The following CARMIL1 variants were observed in gnomAD, a reference collection of about 807,000 sequenced individuals.
CARMIL1 encodes F-actin-uncapping protein LRRC16A.
CARMIL1 carries 90 observed loss-of-function variants against 177.1 expected under a neutral mutation model. That is an observed-to-expected ratio of 0.51 (90% CI 0.43 to 0.61). The LOEUF is 0.61. Among genes scored for constraint, CARMIL1 ranks in the 20% least tolerant of loss-of-function variants. The pLI, the probability that CARMIL1 is intolerant of heterozygous loss-of-function variation, is 0.00. For missense variants in CARMIL1, 1,380 were observed against 1,667.0 expected, an observed-to-expected ratio of 0.83 and a Z score of 3.00; for synonymous variants, 577 against 606.2, an observed-to-expected ratio of 0.95 and a Z score of 0.71.
chr6:25,286,695 A>G (rs1251967036), intron 2 of CARMIL1, among the ~76,000 whole-genome samples: 1 of 152,190 alleles, frequency 6.6e-6, no homozygotes, highest in East Asian at 1.9e-4. Context: ...AATATAAGGT[A>G]GTGGTTGCTA....
intron 2 of CARMIL1, among the ~76,000 whole-genome samples, chr6:25,367,157 T>TG (rs892305202): frequency 3.9e-5 from 6 of 152,138 alleles, no homozygotes; most frequent in Non-Finnish European, 8.8e-5. Flanking sequence ...AGTTTTGATG[T>TG]GGGGGGTGTG....
chr6:25,404,574 TGGTA>T (rs1216499205), intron 2 of CARMIL1, among the ~76,000 whole-genome samples: 1 of 151,964 alleles, frequency 6.6e-6, no homozygotes, highest in Admixed American at 6.6e-5. Flanking sequence ...CTGGCCAACA[TGGTA>T]AAACCCATCT....
At position 25,550,948 on chromosome 6, in the gene CARMIL1, T is replaced by G; in HGVS notation, c.2367T>G (p.Leu789=). ...CCATGGTTGATGCTGCTGAGAATCT[T>G]TGTCCCAATGTGATGAAAAAAGCCC... ...LESMVDAAEN[L]CPNVMKKAHI... is the part of the protein sequence containing the mutation. The change falls in exon 27 of 37, where the codon CTT becomes CTG. Residue 789 remains leucine, a synonymous_variant. Transcript: ENST00000329474. 1.2e-6 allele frequency: 2 copies of G among 1,613,550 alleles called. No individual in the cohort carries two copies. The highest frequency in any genetic ancestry group is 1.7e-6 in the Non-Finnish European group (2 of 1,179,582).
chr6:25,462,888 C>A (rs1391425107), intron 8 of CARMIL1, among the ~76,000 whole-genome samples: 1 of 152,174 alleles, frequency 6.6e-6, no homozygotes, highest in African/African-American at 2.4e-5. Flanking sequence ...GCTCTCAGAG[C>A]CTAATAACCC....
At chr6:25,524,399 C>T (rs1043591434) in intron 23 of CARMIL1, among the ~76,000 whole-genome samples, 1 of 152,166 alleles carries the variant, frequency 6.6e-6, no homozygotes, top group Non-Finnish European at 1.5e-5. Flanking sequence ...TCTAGGGAAA[C>T]CCCAAAATAA....
At chr6:25,400,501 G>A (rs1435489752) in intron 2 of CARMIL1, among the ~76,000 whole-genome samples, 1 of 152,144 alleles carries the variant, frequency 6.6e-6, no homozygotes, top group Admixed American at 6.5e-5. Context: ...GTTGTAAAAT[G>A]CTCTATAGAT....
At chr6:25,362,728 G>A (rs1457567854) in intron 2 of CARMIL1, among the ~76,000 whole-genome samples, 2 of 151,960 alleles carry the variant, frequency 1.3e-5, no homozygotes, top group Non-Finnish European at 2.9e-5. Context: ...AAGCCCATTT[G>A]TTTCTCTTCT....
chr6:25,382,006 A>G (rs1008685095), intron 2 of CARMIL1, among the ~76,000 whole-genome samples: 1 of 152,150 alleles, frequency 6.6e-6, no homozygotes, highest in African/African-American at 2.4e-5. Context: ...AAAATGGGCT[A>G]TAATAATGAA....
rs1040831245 is a variant in CARMIL1, at chr6:25,577,051, T to A, written c.2743-3873T>A. On this transcript the variant is annotated intron_variant, in intron 29 of 36. Transcript: ENST00000329474. The surrounding 1 kb of genome is among the most constrained non-coding windows in gnomAD (Gnocchi z 4.5). Reference sequence around the variant, plus strand: ...GCTGTACTACTTTATATTCTTGTGCTCCATTTGCTTCTGTGCTGCCTGGCT... The same window carrying A: ...GCTGTACTACTTTATATTCTTGTGCACCATTTGCTTCTGTGCTGCCTGGCT... The A allele has an allele frequency of 4.6e-5, 45 of 985,216 alleles. No individual in the cohort carries two copies. Among genetic ancestry groups the A allele is most frequent in the Non-Finnish European group, 5.3e-5 (44 of 829,854 alleles). 61.0% of individuals were successfully genotyped at this position (985,216 alleles called of 1,614,324 possible).
intron 29 of CARMIL1, among the ~76,000 whole-genome samples, chr6:25,568,088 G>A (rs1478916689): frequency 6.6e-6 from 1 of 152,170 alleles, no homozygotes. Flanking sequence ...TGACGTATGT[G>A]CTGAAGAAAA....
intron 2 of CARMIL1, among the ~76,000 whole-genome samples, chr6:25,362,391 C>T (rs1044462587): frequency 1.5e-4 from 23 of 152,320 alleles, no homozygotes; most frequent in African/African-American, 5.3e-4. Context: ...AACCACTACA[C>T]GGGCCGGGCG....
intron 2 of CARMIL1, among the ~76,000 whole-genome samples, chr6:25,362,157 G>C (rs765407793): frequency 6.6e-6 from 1 of 152,150 alleles, no homozygotes; most frequent in African/African-American, 2.4e-5. Flanking sequence ...CCTCAGGCCA[G>C]ATATTACTGG....
At chr6:25,504,590 A>G (rs1407574113) in intron 17 of CARMIL1, among the ~76,000 whole-genome samples, 1 of 152,222 alleles carries the variant, frequency 6.6e-6, no homozygotes, top group African/African-American at 2.4e-5. Context: ...TGGATCTGTG[A>G]TAGCTAAGGT....
At chr6:25,491,681 GTA>G in intron 13 of CARMIL1, 49 bp from the exon 14 acceptor site, 1 of 1,132,082 alleles carries the variant, frequency 8.8e-7, no homozygotes, top group Non-Finnish European at 1.3e-6. Flanking sequence ...TGCATTGTGT[GTA>G]TGTGTGTGTT....
intron 8 of CARMIL1, chr6:25,452,103 A>T (rs1347612199): frequency 1.3e-6 from 1 of 763,638 alleles, no homozygotes; most frequent in Non-Finnish European, 2.4e-6. Flanking sequence ...CGGCCAGGGA[A>T]AAAGTATACT....
In CARMIL1 at chr6:25,314,215, C is replaced by A. The variant is rs556145171; in HGVS notation, c.138+29306C>A. Reference sequence around the variant, plus strand: ...CTTGTGATCCACCCACCCGCCTCGGCCTCCATCCCAGCACTTTGGGAGGCC... The same window carrying A: ...CTTGTGATCCACCCACCCGCCTCGGACTCCATCCCAGCACTTTGGGAGGCC... On this transcript the variant is annotated intron_variant, in intron 2 of 36. Coordinates refer to ENST00000329474, the MANE Select transcript of CARMIL1 (RefSeq NM_017640.6). Among the ~76,000 whole-genome samples, 353 of 126,704 alleles carry A rather than the reference C, an allele frequency of 2.8e-3. 1 individual carries two copies. The highest frequency in any genetic ancestry group is 4.6e-3 in the Middle Eastern group (1 of 218). 83.1% of individuals were successfully genotyped at this position (126,704 alleles called of 152,430 possible).
At chr6:25,617,763 C>T (rs1412508394) in intron 36 of CARMIL1, among the ~76,000 whole-genome samples, 2 of 152,174 alleles carry the variant, frequency 1.3e-5, no homozygotes, top group Non-Finnish European at 2.9e-5. Flanking sequence ...TATTTATTGA[C>T]ATTTATTCAC....
At chr6:25,468,907 C>T (rs1168582733) in intron 9 of CARMIL1, among the ~76,000 whole-genome samples, 1 of 152,060 alleles carries the variant, frequency 6.6e-6, no homozygotes, top group African/African-American at 2.4e-5. Context: ...GCAAGGTAGC[C>T]CAGAAATGGT....
intron 2 of CARMIL1, among the ~76,000 whole-genome samples, chr6:25,347,346 C>T (rs1042255736): frequency 6.6e-6 from 1 of 152,192 alleles, no homozygotes; most frequent in African/African-American, 2.4e-5. Context: ...TGATATTTTA[C>T]CAACAGCCCA....
Sources: allele counts gnomAD v4.1 joint callset (sites outside exome capture counted in the v4.1 genomes callset), GRCh38; gene constraint gnomAD v4.1.1; non-coding constraint Gnocchi (gnomAD v3.1); transcripts MANE v1.5; gene names NCBI Gene and HGNC (gene_info 2026-07-23, HGNC 2026-07-21).